Variants in STXBP5 observed in about 807,000 individuals in gnomAD.
STXBP5 encodes syntaxin-binding protein 5.
A neutral mutation model predicts 152.4 loss-of-function variants in STXBP5; 50 were observed. The observed-to-expected ratio is 0.33, with a 90% CI of 0.26 to 0.42. STXBP5 has a LOEUF of 0.42. Ranked by LOEUF, STXBP5 falls within the 10% of genes least tolerant of loss-of-function variation. The probability of loss-of-function intolerance (pLI) is 1.00; values close to 1 mark genes in which losing one functional copy is unlikely to be tolerated. For missense variants in STXBP5, 1,167 were observed against 1,388.6 expected, an observed-to-expected ratio of 0.84 and a Z score of 2.54; for synonymous variants, 492 against 494.7, an observed-to-expected ratio of 0.99 and a Z score of 0.07.
chr6:147,308,925 C>T (rs1782231977), intron 9 of STXBP5, among the ~76,000 whole-genome samples: 1 of 152,154 alleles, frequency 6.6e-6, no homozygotes, highest in South Asian at 2.1e-4. Flanking sequence ...GTGACTCTTA[C>T]TAAGGATGTG....
chr6:147,266,948 G>A, intron 6 of STXBP5, 136 bp from the exon 7 acceptor site: 1 of 705,170 alleles, frequency 1.4e-6, no homozygotes, highest in South Asian at 1.8e-5. Flanking sequence ...TTACTAATTA[G>A]CAATGCAGAT....
At chr6:147,315,331 G>A (rs1782588466) in intron 14 of STXBP5, among the ~76,000 whole-genome samples, 184 bp from the exon 15 acceptor site, 1 of 151,992 alleles carries the variant, frequency 6.6e-6, no homozygotes, top group Non-Finnish European at 1.5e-5. Context: ...GCACACTCTT[G>A]TTTGGTCAAT....
rs137903091 is a variant in STXBP5 at position 147,325,100 on chromosome 6, G to C, written c.1928+16G>C. ...CCTATGGACTGTAAGTATAAGTTAC[G>C]TTTTTTTCTAAGTCTCTTCATAGTA... On this transcript the variant is annotated intron_variant, in intron 17 of 27. Transcript: ENST00000321680. 5 of 1,480,366 alleles carry C rather than the reference G, an allele frequency of 3.4e-6. No individual in the cohort carries two copies. The highest frequency in any genetic ancestry group is 4.5e-6 in the Non-Finnish European group (5 of 1,107,036). 91.7% of individuals were successfully genotyped at this position (1,480,366 alleles called of 1,614,324 possible).
intron 21 of STXBP5, among the ~76,000 whole-genome samples, chr6:147,347,850 A>G (rs1431148457): frequency 6.6e-6 from 1 of 152,224 alleles, no homozygotes; most frequent in African/African-American, 2.4e-5. Flanking sequence ...AGCATATAGT[A>G]TCACAAGTGT....
At chr6:147,223,377 G>A (rs762977306) in intron 2 of STXBP5, among the ~76,000 whole-genome samples, 3 of 152,124 alleles carry the variant, frequency 2.0e-5, no homozygotes, top group African/African-American at 7.2e-5. Context: ...CTGTTGTTTT[G>A]AGCATATTTC....
intron 22 of STXBP5, among the ~76,000 whole-genome samples, chr6:147,357,112 C>T (rs1784849467): frequency 6.6e-6 from 1 of 152,046 alleles, no homozygotes; most frequent in Non-Finnish European, 1.5e-5. Flanking sequence ...TGAGAAAAGT[C>T]AGAAATAACT....
chr6:147,322,054 C>A (rs6926790), intron 16 of STXBP5, among the ~76,000 whole-genome samples: 1 of 152,072 alleles, frequency 6.6e-6, no homozygotes, highest in African/African-American at 2.4e-5. Flanking sequence ...TAAATGTGCC[C>A]ATATATGTAC....
At chr6:147,282,392 G>A (rs917599615) in intron 8 of STXBP5, among the ~76,000 whole-genome samples, 1 of 152,158 alleles carries the variant, frequency 6.6e-6, no homozygotes, top group African/African-American at 2.4e-5. Flanking sequence ...TTCCCTGGCA[G>A]TCAGACAACC....
At chr6:147,348,399 G>A (rs959056644) in intron 21 of STXBP5, among the ~76,000 whole-genome samples, 1 of 148,288 alleles carries the variant, frequency 6.7e-6, no homozygotes, top group African/African-American at 2.5e-5. Context: ...TGAAAGGCAT[G>A]CATGCAAAAT....
At chr6:147,355,720 T>A (rs1194261854) in intron 22 of STXBP5, among the ~76,000 whole-genome samples, 2 of 152,182 alleles carry the variant, frequency 1.3e-5, no homozygotes, top group Non-Finnish European at 2.9e-5. Context: ...GATACTACTT[T>A]TCAAGGTAGT....
intron 16 of STXBP5, among the ~76,000 whole-genome samples, chr6:147,316,655 G>T (rs1471619109): frequency 6.6e-6 from 1 of 152,112 alleles, no homozygotes; most frequent in African/African-American, 2.4e-5. Context: ...AAAGCAGCAA[G>T]GATCTAACCT....
At chr6:147,268,612 C>A (rs1422016246) in intron 7 of STXBP5, among the ~76,000 whole-genome samples, 2 of 152,134 alleles carry the variant, frequency 1.3e-5, no homozygotes, top group African/African-American at 4.8e-5. Flanking sequence ...TGAATAAATA[C>A]AGTTCCTATC....
intron 21 of STXBP5, among the ~76,000 whole-genome samples, chr6:147,347,581 C>G (rs633139): frequency 3.9e-5 from 6 of 152,074 alleles, no homozygotes; most frequent in Non-Finnish European, 7.4e-5. Flanking sequence ...ATAACTAATA[C>G]AAATCAAGAA....
At chr6:147,225,852 G>A (rs1252763291) in intron 2 of STXBP5, among the ~76,000 whole-genome samples, 1 of 152,158 alleles carries the variant, frequency 6.6e-6, no homozygotes, top group Non-Finnish European at 1.5e-5. Flanking sequence ...AAAAGTCATT[G>A]AAGATAAAAT....
At chr6:147,343,688 G>A (rs1313681571) in intron 21 of STXBP5, among the ~76,000 whole-genome samples, 2 of 152,056 alleles carry the variant, frequency 1.3e-5, no homozygotes, top group Non-Finnish European at 2.9e-5. Flanking sequence ...GTATCTACAA[G>A]TTAAAAAATA....
At chr6:147,354,678 A>G (rs1190836698) in intron 22 of STXBP5, among the ~76,000 whole-genome samples, 13 of 152,190 alleles carry the variant, frequency 8.5e-5, no homozygotes, top group African/African-American at 2.9e-4. Flanking sequence ...ATTATAAAAA[A>G]TACCATAGCC....
chr6:147,373,330 C>T (rs1785648967), intron 25 of STXBP5, among the ~76,000 whole-genome samples: 1 of 136,062 alleles, frequency 7.3e-6, no homozygotes, highest in Non-Finnish European at 1.5e-5. Flanking sequence ...CGCATCACTG[C>T]ACTCCAACCT....
chr6:147,363,962 C>G (rs746806432), intron 24 of STXBP5, 39 bp from the exon 25 acceptor site: 3 of 1,596,112 alleles, frequency 1.9e-6, no homozygotes, highest in Non-Finnish European at 2.6e-6. Context: ...AGACTAAAAC[C>G]TACCTTATTA....
At chr6:147,316,450 T>G (rs1310063522) in intron 16 of STXBP5, 43 bp downstream of exon 16, 1 of 1,395,300 alleles carries the variant, frequency 7.2e-7, no homozygotes. Flanking sequence ...ATATTATCTT[T>G]TAATTTATAT....
Sources: gnomAD v4.1 joint callset for allele counts (sites outside exome capture counted in the v4.1 genomes callset) on GRCh38, gnomAD v4.1.1 for gene constraint, MANE v1.5 for transcripts, NCBI Gene and HGNC (gene_info 2026-07-23, HGNC 2026-07-21) for gene names.